The following USP6NL variants were observed in gnomAD, a reference collection of about 807,000 sequenced individuals.
USP6NL encodes the protein USP6 N-terminal-like protein.
In USP6NL, 26 loss-of-function variants were observed where a neutral mutation model predicts 61.9. That is an observed-to-expected ratio of 0.42 (90% CI 0.31 to 0.58). USP6NL has a LOEUF of 0.58. Ranked by LOEUF, USP6NL falls within the 20% of genes least tolerant of loss-of-function variation. USP6NL has a pLI of 0.16. For synonymous variants in USP6NL, 432 were observed against 390.1 expected (o/e 1.11, Z -1.27); for missense variants, 1,114 against 1,034.3 (o/e 1.08, Z -1.06).
chr10:11,477,995 A>C (rs773016858), intron 14 of USP6NL, among the ~76,000 whole-genome samples: 8 of 152,252 alleles, frequency 5.3e-5, no homozygotes, highest in Non-Finnish European at 7.3e-5. Flanking sequence ...AAGAACTATT[A>C]TTTGTTGAAG....
At chr10:11,472,196 TTTC>T (rs1230599171) in intron 14 of USP6NL, among the ~76,000 whole-genome samples, 7 of 152,234 alleles carry the variant, frequency 4.6e-5, no homozygotes, top group African/African-American at 1.2e-4. Context: ...TGTTTATTAT[TTTC>T]TTCTTAAGTA....
At chr10:11,539,454 C>G in intron 2 of USP6NL, among the ~76,000 whole-genome samples, 1 of 152,220 alleles carries the variant, frequency 6.6e-6, no homozygotes. Flanking sequence ...ACTAGTAACT[C>G]CTACATTTAT....
intron 3 of USP6NL, among the ~76,000 whole-genome samples, chr10:11,527,053 G>GTAAA (rs1195702609): frequency 6.6e-6 from 1 of 152,164 alleles, no homozygotes; most frequent in Admixed American, 6.5e-5. Context: ...GGATACAAAA[G>GTAAA]TAAATCAAAC....
In USP6NL at chr10:11,561,094, C is replaced by T. The variant is rs1343058821; in HGVS notation, c.5-33527G>A. Among the ~76,000 whole-genome samples the T allele has an allele frequency of 1.3e-5, 2 of 152,094 alleles. No individual in the cohort carries two copies. The highest frequency in any genetic ancestry group is 1.3e-4 in the Admixed American group (2 of 15,276). ...TAGGCCCTGAGTTGCAAAGAAAAAA[C>T]ATTTAGTATACTCTATGTCATAGGA... On this transcript the variant is annotated intron_variant, in intron 2 of 14. Coordinates refer to ENST00000609104, the MANE Select transcript of USP6NL (RefSeq NM_014688.5). This position sits in a 1 kb window ranked among gnomAD's most constrained non-coding sequence, Gnocchi z 4.1.
chr10:11,484,934 T>G (rs1234258210), intron 13 of USP6NL, 37 bp downstream of exon 13: 3 of 1,466,128 alleles, frequency 2.0e-6, no homozygotes, highest in Non-Finnish European at 2.7e-6. Context: ...AAGCCTCAAT[T>G]TTTAATGAAA....
chr10:11,526,012 C>T (rs1186082169), intron 3 of USP6NL, among the ~76,000 whole-genome samples: 2 of 151,654 alleles, frequency 1.3e-5, no homozygotes, highest in African/African-American at 2.4e-5. Context: ...CCTCATCTAA[C>T]GGATCTCTGA....
intron 2 of USP6NL, among the ~76,000 whole-genome samples, chr10:11,533,376 T>C (rs1835727238): frequency 6.6e-6 from 1 of 152,242 alleles, no homozygotes; most frequent in Non-Finnish European, 1.5e-5. Flanking sequence ...CTGCCAGGGA[T>C]GTCCACATCC....
At chr10:11,516,192 G>A (rs1002735078) in intron 5 of USP6NL, among the ~76,000 whole-genome samples, 6 of 152,140 alleles carry the variant, frequency 3.9e-5, no homozygotes, top group Admixed American at 2.0e-4. Flanking sequence ...AGGAAGGACT[G>A]TATACCACTC....
At chr10:11,524,764 G>C (rs1208283020) in intron 4 of USP6NL, among the ~76,000 whole-genome samples, 1 of 152,118 alleles carries the variant, frequency 6.6e-6, no homozygotes. Flanking sequence ...AAAGTATAAA[G>C]ATGAATAGAA....
intron 2 of USP6NL, among the ~76,000 whole-genome samples, chr10:11,570,974 T>C (rs1022861377): frequency 6.6e-6 from 1 of 152,120 alleles, no homozygotes; most frequent in Non-Finnish European, 1.5e-5. Flanking sequence ...CTAGACTATG[T>C]TGCCTAACTA....
rs529300826 is a variant in USP6NL, at chr10:11,581,874, T to C, written c.4+15757A>G. Among the ~76,000 whole-genome samples, 6 of 152,276 alleles carry C rather than the reference T, an allele frequency of 3.9e-5. No individual in the cohort carries two copies. In the South Asian group the frequency reaches 1.0e-3, roughly 26 times the overall value. On this transcript the variant is annotated intron_variant, in intron 2 of 14. Coordinates refer to ENST00000609104, the MANE Select transcript of USP6NL (RefSeq NM_014688.5). Reference sequence around the variant, plus strand: ...GCAACCTTTGCTTCCCAGGTTCACATGATTCTCCCTGCCTCAGCCTCCCCA... The same window carrying C: ...GCAACCTTTGCTTCCCAGGTTCACACGATTCTCCCTGCCTCAGCCTCCCCA...
intron 4 of USP6NL, among the ~76,000 whole-genome samples, chr10:11,522,245 G>A (rs866873973): frequency 1.1e-4 from 17 of 152,150 alleles, no homozygotes; most frequent in Admixed American, 1.1e-3. Flanking sequence ...GGCAACAAAG[G>A]TTGCAAAGTT....
chr10:11,486,599 AG>A (rs1833480000), intron 10 of USP6NL, among the ~76,000 whole-genome samples: 1 of 152,218 alleles, frequency 6.6e-6, no homozygotes, highest in South Asian at 2.1e-4. Flanking sequence ...TCCATTAAAA[AG>A]AAAGTCCACT....
chr10:11,595,997 C>T lies in USP6NL; in HGVS notation c.4+1634G>A, dbSNP rs904985190. On this transcript the variant is annotated intron_variant, in intron 2 of 14. Coordinates refer to ENST00000609104, the MANE Select transcript of USP6NL (RefSeq NM_014688.5). The surrounding 1 kb of genome is among the most constrained non-coding windows in gnomAD (Gnocchi z 5.3). Reference sequence around the variant, plus strand: ...ATTAGTTGCTTGGCAAGCCATTCCTCCCCTCTGCCTTCATCCTCGCAAGAC... The same window carrying T: ...ATTAGTTGCTTGGCAAGCCATTCCTTCCCTCTGCCTTCATCCTCGCAAGAC... 6.6e-6 allele frequency among the ~76,000 whole-genome samples: 1 copy of T among 152,174 alleles called. No individual in the cohort carries two copies. The highest frequency in any genetic ancestry group is 2.4e-5 in the African/African-American group (1 of 41,444).
intron 2 of USP6NL, among the ~76,000 whole-genome samples, chr10:11,590,661 G>C (rs1208942750): frequency 6.6e-6 from 1 of 151,966 alleles, no homozygotes; most frequent in Non-Finnish European, 1.5e-5. Context: ...TAATAACACA[G>C]ATTCAAGAAG....
At chr10:11,519,235 A>G (rs765573189) in intron 4 of USP6NL, among the ~76,000 whole-genome samples, 38 of 152,204 alleles carry the variant, frequency 2.5e-4, no homozygotes, top group Non-Finnish European at 5.0e-4. Context: ...TCTTGGTTCA[A>G]ACTATGGTCT....
Position 11,462,648 on chromosome 10 carries a change from A to G in USP6NL, c.2280T>C (p.Asn760=), listed in dbSNP as rs764919385. Residue 760 remains asparagine, a synonymous_variant, in exon 15 of 15, where the codon AAT becomes AAC. Transcript: ENST00000609104. The part of the protein sequence containing the change: ...QSWTRDASRG[N]LPKYSAFQLA... ...GTTGAAAGGCTGAGTATTTTGGTAA[A>G]TTGCCACGGCTAGCATCTCGGGTCC... 3 of 1,613,948 alleles carry G rather than the reference A, an allele frequency of 1.9e-6. No individual in the cohort carries two copies. Among genetic ancestry groups the G allele is most frequent in the Non-Finnish European group, 2.5e-6 (3 of 1,179,882 alleles).
At chr10:11,556,173 G>T (rs1171886688) in intron 2 of USP6NL, among the ~76,000 whole-genome samples, 1 of 152,116 alleles carries the variant, frequency 6.6e-6, no homozygotes, top group Non-Finnish European at 1.5e-5. Flanking sequence ...GGCATAAATG[G>T]AGTTAACTAC....
chr10:11,544,448 C>T (rs764074223), intron 2 of USP6NL, among the ~76,000 whole-genome samples: 4 of 152,092 alleles, frequency 2.6e-5, no homozygotes, highest in Admixed American at 1.3e-4. Context: ...ACTACCTGAA[C>T]TTATAGAATG....
Sources: allele counts gnomAD v4.1 joint callset (sites outside exome capture counted in the v4.1 genomes callset), GRCh38; gene constraint gnomAD v4.1.1; non-coding constraint Gnocchi (gnomAD v3.1); transcripts MANE v1.5; gene names NCBI Gene and HGNC (gene_info 2026-07-23, HGNC 2026-07-21).